Variants in KRT8 observed in about 807,000 individuals in gnomAD.
KRT8 encodes keratin 8, also known as keratin, type II cytoskeletal 8.
KRT8 carries 24 observed loss-of-function variants against 43.0 expected under a neutral mutation model. The ratio of observed to expected loss-of-function variants is 0.56; its 90% CI spans 0.40 to 0.78. The LOEUF (loss-of-function observed/expected upper bound fraction) is 0.78, where lower values mean the gene tolerates loss of function less well. Among genes scored for constraint, KRT8 ranks in the 30% least tolerant of loss-of-function variants. The probability of loss-of-function intolerance (pLI) is 0.00; values close to 1 mark genes in which losing one functional copy is unlikely to be tolerated. For synonymous variants in KRT8, 214 were observed against 261.2 expected (o/e 0.82, Z 1.74); for missense variants, 492 against 638.4 (o/e 0.77, Z 2.47).
intron 1 of KRT8, 128 bp from the exon 2 acceptor site, chr12:52,902,200 T>C: frequency 1.5e-6 from 1 of 682,578 alleles, no homozygotes; most frequent in East Asian, 2.7e-5. Context: ...AGGCACCTGG[T>C]TAGCTGTTCT....
chr12:52,939,465 G>A (rs59210689), intron 2 of KRT8, among the ~76,000 whole-genome samples: 37,431 of 151,870 alleles, frequency 0.25, 4,786 homozygotes, highest in African/African-American at 0.32. Context: ...GATCACCCCT[G>A]TAATCCCAGC....
intron 2 of KRT8, among the ~76,000 whole-genome samples, chr12:52,939,723 CAA>C (rs1266388748): frequency 5.9e-5 from 8 of 136,156 alleles, no homozygotes; most frequent in Non-Finnish European, 4.8e-5. Context: ...GACTCCCTCT[CAA>C]AAAAAAAAAA....
At chr12:52,921,703 T>C (rs991305589) in intron 2 of KRT8, among the ~76,000 whole-genome samples, 5 of 152,050 alleles carry the variant, frequency 3.3e-5, no homozygotes, top group Non-Finnish European at 5.9e-5. Context: ...GAGCCTCTGA[T>C]TGTGCATCCC....
At chr12:52,935,413 C>T (rs1201144800) in intron 2 of KRT8, among the ~76,000 whole-genome samples, 18 of 114,334 alleles carry the variant, frequency 1.6e-4, no homozygotes, top group Non-Finnish European at 2.7e-4. Context: ...AAAAAAAAGG[C>T]CGGGCACAGT....
At chr12:52,926,412 C>A (rs1021364596) in intron 2 of KRT8, 2 of 1,489,366 alleles carry the variant, frequency 1.3e-6, no homozygotes, top group African/African-American at 1.4e-5. Context: ...GAAACCTTAC[C>A]CTTCCTGCAG....
intron 2 of KRT8, 83 bp from the exon 3 acceptor site, chr12:52,901,302 A>C: frequency 1.0e-6 from 1 of 959,452 alleles, no homozygotes; most frequent in Non-Finnish European, 1.7e-6. Context: ...GGCGTTGTGA[A>C]AATCAGGAAA....
chr12:52,912,097 A>G (rs761806670), intron 2 of KRT8, among the ~76,000 whole-genome samples: 1 of 152,186 alleles, frequency 6.6e-6, no homozygotes, highest in Non-Finnish European at 1.5e-5. Context: ...CAACCAAGAG[A>G]CTGTCCTCAG....
At chr12:52,905,948 T>C (rs1374924952), upstream of KRT8, among the ~76,000 whole-genome samples, 1 of 152,036 alleles carries the variant, frequency 6.6e-6, no homozygotes, top group African/African-American at 2.4e-5. Context: ...AAAAATTAGC[T>C]GGCCATGGTG....
intron 2 of KRT8, among the ~76,000 whole-genome samples, chr12:52,938,525 C>T (rs1163304668): frequency 6.6e-6 from 1 of 151,858 alleles, no homozygotes; most frequent in African/African-American, 2.4e-5. Context: ...GCATGTAATC[C>T]CAGCATTTTG....
At chr12:52,935,327 C>T (rs1348892693) in intron 2 of KRT8, among the ~76,000 whole-genome samples, 4 of 125,726 alleles carry the variant, frequency 3.2e-5, no homozygotes, top group Non-Finnish European at 6.3e-5. Context: ...TGCAATGAGT[C>T]GAGATCGTGC....
exon 5 of KRT8, chr12:52,899,840 C>T: frequency 3.1e-6 from 5 of 1,612,098 alleles, no homozygotes; most frequent in Non-Finnish European, 4.2e-6. Flanking sequence ...TCAGAGATCT[C>T]AGTCTTTGTG....
At chr12:52,928,623 G>T (rs942420202) in intron 2 of KRT8, among the ~76,000 whole-genome samples, 1 of 152,068 alleles carries the variant, frequency 6.6e-6, no homozygotes, top group Non-Finnish European at 1.5e-5. Flanking sequence ...GAAAGAAAGG[G>T]GCTGGGCACA....
chr12:52,919,205 G>A (rs138300318), intron 2 of KRT8, among the ~76,000 whole-genome samples: 93 of 152,256 alleles, frequency 6.1e-4, no homozygotes, highest in Non-Finnish European at 1.1e-3. Flanking sequence ...CCCTGCCAAT[G>A]ATGGTGGCAG....
chr12:52,899,649 C>T, intron 5 of KRT8, 126 bp downstream of exon 5: 1 of 796,444 alleles, frequency 1.3e-6, no homozygotes, highest in Admixed American at 2.5e-5. Context: ...TGTGGCTGCC[C>T]CTCCAACTCC....
intron 2 of KRT8, among the ~76,000 whole-genome samples, chr12:52,935,574 C>T (rs1045059041): frequency 1.3e-5 from 2 of 148,940 alleles, no homozygotes; most frequent in South Asian, 2.1e-4. Flanking sequence ...GAAAACCGTT[C>T]GTGACCTTGA....
intron 2 of KRT8, among the ~76,000 whole-genome samples, chr12:52,932,092 CTTTTTTT>C (rs139882612): frequency 1.6e-5 from 2 of 128,692 alleles, no homozygotes; most frequent in Non-Finnish European, 3.3e-5. Flanking sequence ...GTAAATCATT[CTTTTTTT>C]TTTTTTTTTT....
chr12:52,905,207 G>A (rs566945457), upstream of KRT8: 51 of 713,252 alleles, frequency 7.2e-5, no homozygotes, highest in Admixed American at 1.9e-4. Context: ...GGTGGGGGCA[G>A]CAGAGAGCTG....
At chr12:52,901,781 G>T in intron 2 of KRT8, 83 bp downstream of exon 2, 1 of 941,226 alleles carries the variant, frequency 1.1e-6, no homozygotes. Context: ...ACAACAGAGG[G>T]CCATGGGGAC....
At chr12:52,938,718 C>T (rs980036911) in intron 2 of KRT8, among the ~76,000 whole-genome samples, 13 of 151,966 alleles carry the variant, frequency 8.6e-5, no homozygotes, top group Admixed American at 4.6e-4. Context: ...CCCAGGTTCA[C>T]GCTGTTCTCT....
Sources: allele counts gnomAD v4.1 joint callset (sites outside exome capture counted in the v4.1 genomes callset), GRCh38; gene constraint gnomAD v4.1.1; transcripts MANE v1.5; gene names NCBI Gene and HGNC (gene_info 2026-07-23, HGNC 2026-07-21).